Variants in CEP131 observed in about 807,000 individuals in gnomAD.
The protein encoded by CEP131 is centrosomal protein of 131 kDa.
CEP131 carries 99 observed loss-of-function variants against 136.8 expected under a neutral mutation model. That is an observed-to-expected ratio of 0.72 (90% CI 0.62 to 0.86). The LOEUF (loss-of-function observed/expected upper bound fraction) is 0.86, where lower values mean the gene tolerates loss of function less well. CEP131 is among the 40% of genes least tolerant of loss of function. CEP131 has a pLI of 0.00. For missense variants in CEP131, 1,459 were observed against 1,463.0 expected, an observed-to-expected ratio of 1.00 and a Z score of 0.04; for synonymous variants, 646 against 612.7, an observed-to-expected ratio of 1.05 and a Z score of -0.80.
At chr17:81,217,060 A>G (rs78379120) in intron 2 of CEP131, among the ~76,000 whole-genome samples, 7,500 of 152,254 alleles carry the variant, frequency 0.049, 285 homozygotes, top group African/African-American at 0.11. Flanking sequence ...CCCCATGGCC[A>G]TGACACATAT....
chr17:81,214,496 C>T (rs2062201834), intron 2 of CEP131, among the ~76,000 whole-genome samples: 1 of 151,656 alleles, frequency 6.6e-6, no homozygotes, highest in Non-Finnish European at 1.5e-5. Context: ...ACAGAGATTG[C>T]GGTGAGGTGA....
At chr17:81,210,862 C>A (rs544657684) in intron 2 of CEP131, among the ~76,000 whole-genome samples, 1 of 150,722 alleles carries the variant, frequency 6.6e-6, no homozygotes, top group East Asian at 2.0e-4. Context: ...GGAAAGCAGC[C>A]ACACACATGC....
Position 81,207,218 on chromosome 17 carries a change from G to A in CEP131, c.294C>T (p.Phe98=). 6.2e-7 allele frequency: 1 copy of A among 1,613,544 alleles called. No individual in the cohort carries two copies. ...TGGGGCTGCCCTCGAAGAGCATCAG[G>A]AAGTCTGTGGGCTCCGTTGGCCTGC... The part of the protein sequence containing the change: ...GSPRPTEPTD[F]LMLFEGSPSG... Residue 98 remains phenylalanine, a synonymous_variant, in exon 4 of 26, where the codon TTC becomes TTT. Coordinates refer to ENST00000450824, the MANE Select transcript of CEP131 (RefSeq NM_014984.4).
At position 81,203,110 on chromosome 17, in the gene CEP131, C is replaced by T. The variant is rs181825181; in HGVS notation, c.629+384G>A. Among the ~76,000 whole-genome samples the T allele has an allele frequency of 1.1e-3, 174 of 152,346 alleles. 1 individual carries two copies. The highest frequency in any genetic ancestry group is 3.8e-3 in the African/African-American group (157 of 41,584). ...CGGGGGCTCCTTTGCCCCGCTCGGT[C>T]CACCCCCGCTGTGACGCCTTCTGGG... is the stretch of plus-strand genomic sequence containing the variant. On this transcript the variant is annotated intron_variant, in intron 6 of 25. Coordinates refer to ENST00000450824, the MANE Select transcript of CEP131 (RefSeq NM_014984.4). This position sits in a 1 kb window ranked among gnomAD's most constrained non-coding sequence, Gnocchi z 4.6.
At chr17:81,199,066 G>T in intron 10 of CEP131, 95 bp from the exon 11 acceptor site, 1 of 1,230,812 alleles carries the variant, frequency 8.1e-7, no homozygotes, top group Non-Finnish European at 1.1e-6. Flanking sequence ...GCATGGGGGA[G>T]GCGGAGGCGA....
rs2062025222 is a variant in CEP131, at chr17:81,207,154, T to C, written c.358A>G (p.Ser120Gly). The C allele has an allele frequency of 6.2e-7, 1 of 1,613,180 alleles. No homozygotes were observed. Among genetic ancestry groups the C allele is most frequent in the African/African-American group, 1.3e-5 (1 of 74,868 alleles). Reference protein sequence around the residue: ...KRPASLSTAPSEKGATWNVLD... With the variant: ...KRPASLSTAPGEKGATWNVLD... ...ACGTTCCAGGTGGCTCCCTTCTCGC[T>C]GGGGGCTGTGCTCAGGCTGGCAGGC... The change falls in exon 4 of 26, where the codon AGC (serine) becomes GGC (glycine). Residue 120 changes from serine (S) to glycine (G), a missense_variant. Physicochemically the swap from Ser to Gly is moderately conservative, Grantham distance 56. Transcript: ENST00000450824.
chr17:81,215,056 C>T lies in CEP131; in HGVS notation c.177+4824G>A, dbSNP rs990200444. The stretch of plus-strand genomic sequence containing the variant: ...CCTCCCAAAGTGCTGGGATTACAGG[C>T]ATGAGCCACCGCGCCTGGCCAAAAA... On this transcript the variant is annotated intron_variant, in intron 2 of 25. Transcript: ENST00000450824. This position sits in a 1 kb window ranked among gnomAD's most constrained non-coding sequence, Gnocchi z 4.1. 1.3e-4 allele frequency among the ~76,000 whole-genome samples: 19 copies of T among 151,376 alleles called. No individual in the cohort carries two copies. The highest frequency in any genetic ancestry group is 2.8e-4 in the Non-Finnish European group (19 of 67,854).
chr17:81,209,055 G>C (rs964545164), intron 2 of CEP131, 33 bp from the exon 3 acceptor site: 25 of 1,498,614 alleles, frequency 1.7e-5, no homozygotes, highest in African/African-American at 2.7e-5. Flanking sequence ...TAATTATGCA[G>C]CAAAGGCTCA....
rs542591841 is a variant in CEP131, at chr17:81,202,505, G to C, written c.630-107C>G. The C allele has an allele frequency of 5.6e-4, 758 of 1,353,592 alleles. 5 individuals carry two copies. The African/African-American group carries it at 0.01, about 18-fold the overall frequency. 83.8% of individuals were successfully genotyped at this position (1,353,592 alleles called of 1,614,324 possible). On this transcript the variant is annotated intron_variant, in intron 6 of 25. Coordinates refer to ENST00000450824, the MANE Select transcript of CEP131 (RefSeq NM_014984.4). ...AAGTCCCAGGACTGAGCCTGGAAGT[G>C]GTGCTGGCAGGCTGGCAGCCGGGGC...
At chr17:81,190,609 G>A (rs528361973) in intron 24 of CEP131, 30 bp downstream of exon 24, 93 of 1,534,366 alleles carry the variant, frequency 6.1e-5, no homozygotes, top group Middle Eastern at 2.3e-4. Context: ...CCCCGCCTCC[G>A]TCTCCAGCCC....
chr17:81,200,474 AGACAGGACCAGCGCCCC>A, intron 7 of CEP131, 28 bp from the exon 8 acceptor site: 3 of 1,496,896 alleles, frequency 2.0e-6, no homozygotes, highest in Non-Finnish European at 2.7e-6. Flanking sequence ...CTCAGGGCCA[AGACAGGACCAGCGCCCC>A]GGCAGGACCC....
chr17:81,194,024 G>A lies in CEP131; in HGVS notation c.2223C>T (p.Ala741=). ...CGGCCTGGCGCAGGCAGCGCTGCGA[G>A]GCCCGCTCATCCGACTGCAGCAGCT... is the stretch of plus-strand genomic sequence containing the variant. ...EAELLQSDER[A]SQRCLRQAEE... is the part of the protein sequence containing the mutation. The change falls in exon 18 of 26, where the codon GCC becomes GCT. Residue 741 remains alanine, a synonymous_variant. Transcript: ENST00000450824. 2 of 1,574,568 alleles carry A rather than the reference G, an allele frequency of 1.3e-6. No individual in the cohort carries two copies. Among genetic ancestry groups the A allele is most frequent in the Non-Finnish European group, 8.6e-7 (1 of 1,160,636 alleles).
Position 81,191,006 on chromosome 17 carries a change from GCAC to G in CEP131, c.2841_2843del (p.Cys948del). 1.2e-6 allele frequency: 2 copies of G among 1,609,630 alleles called. No individual in the cohort carries two copies. The highest frequency in any genetic ancestry group is 1.7e-6 in the Non-Finnish European group (2 of 1,179,918). On this transcript the variant is annotated inframe_deletion, in exon 23 of 26. Coordinates refer to ENST00000450824, the MANE Select transcript of CEP131 (RefSeq NM_014984.4). ...CCCCAAGCTGGCCCTTCAGCTCCGAGCACCGCTCCTGAAGCTTCCGCTCCGACT... is the reference window on the plus strand; with the variant it reads ...CCCCAAGCTGGCCCTTCAGCTCCGAGCGCTCCTGAAGCTTCCGCTCCGACT...
chr17:81,203,536 G>A lies in CEP131; in HGVS notation c.587C>T (p.Ala196Val), dbSNP rs750232619. Residue 196 changes from alanine to valine, a missense_variant, in exon 6 of 26, where the codon GCG becomes GTG. Ala to Val is a moderately conservative substitution (Grantham distance 64, BLOSUM62 0). Coordinates refer to ENST00000450824, the MANE Select transcript of CEP131 (RefSeq NM_014984.4). This position sits in a 1 kb window ranked among gnomAD's most constrained non-coding sequence, Gnocchi z 4.6. ...VHNRYTPSER[A>V]PPLKSSNQTA... ...CTGGTTGGAGCTCTTGAGCGGAGGC[G>A]CCCTCTCCGAGGGGGTGTAGCGGTT... The A allele has an allele frequency of 2.4e-5, 38 of 1,608,478 alleles. No individual in the cohort carries two copies. Among genetic ancestry groups the A allele is most frequent in the Middle Eastern group, 3.3e-4 (2 of 6,080 alleles).
chr17:81,189,791 C>T lies in CEP131; in HGVS notation c.3221G>A (p.Arg1074Lys). The T allele has an allele frequency of 6.2e-7, 1 of 1,609,672 alleles. No individual in the cohort carries two copies. Among genetic ancestry groups the T allele is most frequent in the Non-Finnish European group, 8.5e-7 (1 of 1,178,314 alleles). ...TGGTCACTTGGTACTTGGCGTGGGC[C>T]TCCTGTGCTGCTCCAGCAGCTCCTC... The part of the protein sequence containing the change: ...HLEELLEQHR[R>K]PTPSTK Residue 1074 changes from arginine (R) to lysine (K), a missense_variant, in exon 26 of 26, where the codon AGG becomes AAG. Transcript: ENST00000450824.
Position 81,190,736 on chromosome 17 carries a change from G to T in CEP131, c.3010C>A (p.Arg1004=), listed in dbSNP as rs757286425. The change falls in exon 24 of 26, where the codon CGG becomes AGG. Residue 1004 remains arginine, a synonymous_variant. Transcript: ENST00000450824. ...AQVIRQEFED[R]LAASEEETRQ... Reference sequence around the variant, plus strand: ...GTCTCCTCCTCAGAGGCTGCCAGCCGGTCCTCGAACTCCTGGCGGATCACC... The same window carrying T: ...GTCTCCTCCTCAGAGGCTGCCAGCCTGTCCTCGAACTCCTGGCGGATCACC... 1 of 1,611,420 alleles carries T rather than the reference G, an allele frequency of 6.2e-7. No individual in the cohort carries two copies. The highest frequency in any genetic ancestry group is 8.5e-7 in the Non-Finnish European group (1 of 1,179,508).
intron 2 of CEP131, among the ~76,000 whole-genome samples, chr17:81,218,118 C>T (rs976182067): frequency 7.9e-5 from 12 of 151,722 alleles, no homozygotes; most frequent in Admixed American, 7.9e-4. Context: ...TCTCGGCTCA[C>T]TGCAGCCTCC....
Position 81,208,962 on chromosome 17 carries a change from T to G in CEP131, c.238A>C (p.Thr80Pro). ...INNLRRSNSTTQVSQPRSGSP... is the reference protein window; with the variant it reads ...INNLRRSNSTPQVSQPRSGSP... ...CCGCTCCGAGGCTGGCTGACCTGCG[T>G]GGTGCTGTTGGATCTTCTAAGGTTG... Residue 80 changes from threonine (T) to proline (P), a missense_variant, in exon 3 of 26, where the codon ACG becomes CCG. Around this residue, in one of 3 missense-constraint regions of CEP131, gnomAD observed 187 missense variants for 179.9 expected, o/e 1.04. Transcript: ENST00000450824. The surrounding 1 kb of genome is among the most constrained non-coding windows in gnomAD (Gnocchi z 5.6). 6.2e-7 allele frequency: 1 copy of G among 1,613,978 alleles called. No individual in the cohort carries two copies. Among genetic ancestry groups the G allele is most frequent in the South Asian group, 1.1e-5 (1 of 91,074 alleles).
Position 81,197,053 on chromosome 17 carries a change from C to A in CEP131, c.1650G>T (p.Gly550=). 1 of 1,586,242 alleles carries A rather than the reference C, an allele frequency of 6.3e-7. No homozygotes were observed. Among genetic ancestry groups the A allele is most frequent in the Non-Finnish European group, 8.6e-7 (1 of 1,166,560 alleles). ...GCCCCGGCCCCGCCTCCGGCACCCA[C>A]CCCTGCAGACACAGCCGAGCGTCAG... is the stretch of plus-strand genomic sequence containing the variant. The part of the protein sequence containing the change: ...GQDQLDSQQE[G]WVPEAGPGPL... Residue 550 remains glycine (G), a splice_region_variant and synonymous_variant, in exon 14 of 26, where the codon GGG becomes GGT. Coordinates refer to ENST00000450824, the MANE Select transcript of CEP131 (RefSeq NM_014984.4).
Sources: allele counts gnomAD v4.1 joint callset (sites outside exome capture counted in the v4.1 genomes callset), GRCh38; gene constraint gnomAD v4.1.1; regional missense constraint gnomAD v4.1.1; non-coding constraint Gnocchi (gnomAD v3.1); transcripts MANE v1.5; gene names NCBI Gene and HGNC (gene_info 2026-07-23, HGNC 2026-07-21).